Variants in NCAM1 observed in about 807,000 individuals in gnomAD.
NCAM1 encodes the protein antigen recognized by monoclonal antibody 5.1H11.
A neutral mutation model predicts 109.8 loss-of-function variants in NCAM1; 14 were observed. The ratio of observed to expected loss-of-function variants is 0.13; its 90% CI spans 0.08 to 0.20. The LOEUF is 0.20. Ranked by LOEUF, NCAM1 falls within the 10% of genes least tolerant of loss-of-function variation. The probability of loss-of-function intolerance (pLI) is 1.00; values close to 1 mark genes in which losing one functional copy is unlikely to be tolerated. For missense variants in NCAM1, 774 were observed against 1,109.9 expected (o/e 0.70, Z 4.30); for synonymous variants, 418 against 442.9 (o/e 0.94, Z 0.70).
intron 1 of NCAM1, among the ~76,000 whole-genome samples, chr11:113,185,867 C>T (rs1043512970): frequency 5.9e-5 from 9 of 152,090 alleles, no homozygotes; most frequent in Non-Finnish European, 8.8e-5. Flanking sequence ...GGCCCTACCC[C>T]GGAGGTACTG....
intron 1 of NCAM1, among the ~76,000 whole-genome samples, chr11:113,032,789 G>T (rs540180606): frequency 6.6e-6 from 1 of 152,186 alleles, no homozygotes. Flanking sequence ...TTTCTATGCA[G>T]TAAGTTTCCT....
chr11:113,218,598 A>G (rs536993579), intron 8 of NCAM1, among the ~76,000 whole-genome samples: 3 of 152,332 alleles, frequency 2.0e-5, no homozygotes, highest in African/African-American at 4.8e-5. Context: ...AACAAGTACA[A>G]TGAGCGTGAA....
intron 1 of NCAM1, among the ~76,000 whole-genome samples, chr11:113,082,105 T>C (rs2135685891): frequency 6.6e-6 from 1 of 152,354 alleles, no homozygotes; most frequent in East Asian, 1.9e-4. Context: ...TTTTTTTCTA[T>C]TATCATTCTT....
chr11:113,091,881 T>A (rs1205418633), intron 1 of NCAM1, among the ~76,000 whole-genome samples: 3 of 152,172 alleles, frequency 2.0e-5, no homozygotes, highest in Non-Finnish European at 4.4e-5. Context: ...GAGAGTAAGA[T>A]TAGAAGAGAA....
Position 112,996,063 on chromosome 11 carries a change from T to C in NCAM1, c.52+34399T>C, listed in dbSNP as rs1205860839. On this transcript the variant is annotated intron_variant, in intron 1 of 19. Coordinates refer to ENST00000316851, the MANE Select transcript of NCAM1 (RefSeq NM_181351.5). Reference sequence around the variant, plus strand: ...CCACTGTTTTGATTTTTTTTAAAAGTCATTAAACACTGAATCAATTTAGCA... The same window carrying C: ...CCACTGTTTTGATTTTTTTTAAAAGCCATTAAACACTGAATCAATTTAGCA... 3.3e-5 allele frequency among the ~76,000 whole-genome samples: 5 copies of C among 152,206 alleles called. No individual in the cohort carries two copies. The East Asian group carries it at 9.6e-4, about 29-fold the overall frequency.
chr11:112,997,797 C>T (rs534917285), intron 1 of NCAM1, among the ~76,000 whole-genome samples: 8 of 152,176 alleles, frequency 5.3e-5, no homozygotes, highest in Non-Finnish European at 8.8e-5. Context: ...AGATTATTTT[C>T]AAGTCCAAAG....
chr11:113,266,892 G>T (rs1417984537), intron 17 of NCAM1, among the ~76,000 whole-genome samples: 1 of 152,200 alleles, frequency 6.6e-6, no homozygotes, highest in South Asian at 2.1e-4. Context: ...TGGAATGACA[G>T]GCTCTTGTGG....
At chr11:113,117,843 T>C (rs1042325524) in intron 1 of NCAM1, among the ~76,000 whole-genome samples, 5 of 151,902 alleles carry the variant, frequency 3.3e-5, no homozygotes, top group African/African-American at 1.2e-4. Context: ...CTGCTTGACA[T>C]TGTCTGAAAT....
At chr11:113,023,311 C>T (rs1952446199) in intron 1 of NCAM1, among the ~76,000 whole-genome samples, 1 of 152,202 alleles carries the variant, frequency 6.6e-6, no homozygotes, top group Non-Finnish European at 1.5e-5. Context: ...AGTAGTCTGA[C>T]AGTCTTATGC....
At chr11:113,097,963 G>A (rs180915458) in intron 1 of NCAM1, among the ~76,000 whole-genome samples, 23 of 152,224 alleles carry the variant, frequency 1.5e-4, no homozygotes, top group African/African-American at 2.9e-4. Flanking sequence ...GCTACCAAGC[G>A]CCAAGGCCTT....
chr11:113,136,598 T>G (rs1941607969), intron 1 of NCAM1, among the ~76,000 whole-genome samples: 1 of 152,174 alleles, frequency 6.6e-6, no homozygotes, highest in African/African-American at 2.4e-5. Context: ...GTTGGTGGTG[T>G]TTGAATCAGT....
chr11:113,198,672 T>C (rs1555111304), intron 1 of NCAM1, among the ~76,000 whole-genome samples: 1 of 152,198 alleles, frequency 6.6e-6, no homozygotes, highest in Non-Finnish European at 1.5e-5. Context: ...GACTGTGCTC[T>C]TTCTAGCCTA....
At chr11:113,130,743 ACTG>A (rs1450227027) in intron 1 of NCAM1, 8 of 152,202 alleles carry the variant, frequency 5.3e-5, no homozygotes, top group Non-Finnish European at 1.2e-4. Context: ...ACACATTGCA[ACTG>A]CTCCCCACCT....
At chr11:113,104,184 GA>G (rs1940023917) in intron 1 of NCAM1, among the ~76,000 whole-genome samples, 1 of 129,692 alleles carries the variant, frequency 7.7e-6, no homozygotes, top group Admixed American at 8.6e-5. Context: ...TCCTGTTGGA[GA>G]ACAGGTGAAG....
chr11:113,224,300 C>T (rs914868092), intron 9 of NCAM1, among the ~76,000 whole-genome samples: 3 of 152,252 alleles, frequency 2.0e-5, no homozygotes, highest in African/African-American at 7.2e-5. Context: ...GCGCATGGCT[C>T]AGAGGGTCCT....
In NCAM1 at chr11:113,278,212, G is replaced by GCTGT. The variant is rs1341747371; in HGVS notation, c.*2833_*2836dup. On this transcript the variant is annotated 3_prime_UTR_variant, in exon 20 of 20. Transcript: ENST00000316851. ...TCCGAGTCCCAGGTTTTCACTTGAG[G>GCTGT]CTGTCTGTCTGGATGGCGGTTTTCA... The GCTGT allele has an allele frequency of 6.6e-6, 1 of 152,140 alleles. No individual in the cohort carries two copies. The highest frequency in any genetic ancestry group is 1.5e-5 in the Non-Finnish European group (1 of 68,040). 9.4% of individuals were successfully genotyped at this position (152,140 alleles called of 1,614,324 possible).
chr11:113,258,291 G>A (rs1018938641), intron 16 of NCAM1, among the ~76,000 whole-genome samples: 2 of 149,852 alleles, frequency 1.3e-5, no homozygotes, highest in Non-Finnish European at 3.0e-5. Flanking sequence ...TCCACAAACT[G>A]TTTGGTGAGG....
chr11:112,970,351 A>G (rs1950844939), intron 1 of NCAM1, among the ~76,000 whole-genome samples: 1 of 152,174 alleles, frequency 6.6e-6, no homozygotes, highest in South Asian at 2.1e-4. Flanking sequence ...CTGGTTTTAT[A>G]TAGCATCCAC....
rs1950775109 is a variant in NCAM1, at chr11:112,968,129, A to G, written c.52+6465A>G. Among the ~76,000 whole-genome samples the G allele has an allele frequency of 2.0e-5, 3 of 152,280 alleles. No homozygotes were observed. In the South Asian group the frequency reaches 6.2e-4, roughly 32 times the overall value. On this transcript the variant is annotated intron_variant, in intron 1 of 19. Transcript: ENST00000316851. Reference sequence around the variant, plus strand: ...AATCGTTCCAGTTTATTAAACGTGGACCTCATAGAGGTTGTATGTGTAGTG... The same window carrying G: ...AATCGTTCCAGTTTATTAAACGTGGGCCTCATAGAGGTTGTATGTGTAGTG...
Sources: allele counts gnomAD v4.1 joint callset (sites outside exome capture counted in the v4.1 genomes callset), GRCh38; gene constraint gnomAD v4.1.1; transcripts MANE v1.5; gene names NCBI Gene and HGNC (gene_info 2026-07-23, HGNC 2026-07-21).